DAGLA: variants seen among roughly 807,000 people sequenced by gnomAD.
DAGLA encodes diacylglycerol lipase alpha.
In DAGLA, 22 loss-of-function variants were observed where a neutral mutation model predicts 102.6. The observed-to-expected ratio is 0.21, with a 90% CI of 0.15 to 0.31. DAGLA has a LOEUF of 0.31. DAGLA is among the 10% of genes least tolerant of loss of function. The pLI is 1.00. For synonymous variants in DAGLA, 578 were observed against 628.9 expected (o/e 0.92, Z 1.21); for missense variants, 927 against 1,446.6 (o/e 0.64, Z 5.83).
intron 17 of DAGLA, 130 bp from the exon 18 acceptor site, chr11:61,740,333 A>T: frequency 8.3e-7 from 1 of 1,211,548 alleles, no homozygotes; most frequent in Non-Finnish European, 1.1e-6. Flanking sequence ...CCCTGCTGCC[A>T]GGCAGGCCAG....
At chr11:61,731,235 T>C in intron 8 of DAGLA, 82 bp from the exon 9 acceptor site, 1 of 1,566,036 alleles carries the variant, frequency 6.4e-7, no homozygotes, top group Non-Finnish European at 8.7e-7. Context: ...GTCCGCAGGC[T>C]CCCACCCTGG....
intron 1 of DAGLA, among the ~76,000 whole-genome samples, chr11:61,707,130 G>A (rs961429754): frequency 1.3e-5 from 2 of 152,222 alleles, no homozygotes; most frequent in Non-Finnish European, 2.9e-5. Flanking sequence ...CCTCCCTGCC[G>A]TGTCCTCGTG....
At chr11:61,731,509 ACCGGGCTG>A in intron 9 of DAGLA, 68 bp downstream of exon 9, 1 of 1,594,112 alleles carries the variant, frequency 6.3e-7, no homozygotes, top group South Asian at 1.1e-5. Flanking sequence ...AGGAAGGGCT[ACCGGGCTG>A]CGCCTACTGC....
Position 61,743,670 on chromosome 11 carries a change from G to A in DAGLA, c.2310G>A (p.Leu770=). The change falls in exon 20 of 20, where the codon CTG becomes CTA. Residue 770 remains leucine, a synonymous_variant. Transcript: ENST00000257215. ...CCCAGGAGCGGCTGGCGGCGGAGCTGCAGGCCCGGCGGGCACCACTGGCCA... is the reference window on the plus strand; with the variant it reads ...CCCAGGAGCGGCTGGCGGCGGAGCTACAGGCCCGGCGGGCACCACTGGCCA... ...LSTQERLAAE[L]QARRAPLATM... 1 of 1,600,216 alleles carries A rather than the reference G, an allele frequency of 6.2e-7. No individual in the cohort carries two copies. The highest frequency in any genetic ancestry group is 8.5e-7 in the Non-Finnish European group (1 of 1,176,174).
chr11:61,725,052 A>T (rs1318316037), intron 5 of DAGLA, among the ~76,000 whole-genome samples: 1 of 152,152 alleles, frequency 6.6e-6, no homozygotes, highest in Non-Finnish European at 1.5e-5. Flanking sequence ...CTGTCACTAC[A>T]GATTGATGTT....
rs972575684 is a variant in DAGLA at position 61,744,496 on chromosome 11, A to C, written c.*7A>C. 6.5e-7 allele frequency: 1 copy of C among 1,535,634 alleles called. No individual in the cohort carries two copies. Among genetic ancestry groups the C allele is most frequent in the Non-Finnish European group, 8.8e-7 (1 of 1,139,552 alleles). ...GGTCATCTCAGCACGCTAGCACCCCAGTTGCGTGGCCAGCCGGGCCCAGGC... is the reference window on the plus strand; with the variant it reads ...GGTCATCTCAGCACGCTAGCACCCCCGTTGCGTGGCCAGCCGGGCCCAGGC... On this transcript the variant is annotated 3_prime_UTR_variant, in exon 20 of 20. Transcript: ENST00000257215.
chr11:61,733,543 G>C (rs1178792601), intron 9 of DAGLA, among the ~76,000 whole-genome samples: 2 of 152,234 alleles, frequency 1.3e-5, no homozygotes, highest in South Asian at 4.1e-4. Flanking sequence ...TCCCGTGACA[G>C]CTGGCAGGCC....
chr11:61,711,149 G>A (rs2135571002), intron 1 of DAGLA, among the ~76,000 whole-genome samples: 1 of 152,322 alleles, frequency 6.6e-6, no homozygotes, highest in African/African-American at 2.4e-5. Context: ...GGGGCAGGTA[G>A]AAAGGACGAA....
intron 1 of DAGLA, among the ~76,000 whole-genome samples, chr11:61,696,329 G>C (rs954756578): frequency 6.6e-6 from 1 of 152,142 alleles, no homozygotes; most frequent in Admixed American, 6.5e-5. Context: ...GCGGGAGAGT[G>C]GGGGTGGAGG....
In DAGLA at chr11:61,741,480, C is replaced by T. The variant is rs537886238; in HGVS notation, c.2171+131C>T. The T allele has an allele frequency of 5.9e-5, 60 of 1,016,634 alleles. No individual in the cohort carries two copies. The South Asian group carries it at 7.4e-4, about 12-fold the overall frequency. The allele number at this position is 1,016,634 out of a possible 1,614,324, so 63.0% of individuals were successfully genotyped here. On this transcript the variant is annotated intron_variant, in intron 19 of 19. Coordinates refer to ENST00000257215, the MANE Select transcript of DAGLA (RefSeq NM_006133.3). ...ACGTGCACAGGAGGGGTCAAACTCACCCTCTGTGCTCTAGGGCTCTCTTGC... is the reference window on the plus strand; with the variant it reads ...ACGTGCACAGGAGGGGTCAAACTCATCCTCTGTGCTCTAGGGCTCTCTTGC...
chr11:61,693,643 G>C, intron 1 of DAGLA, among the ~76,000 whole-genome samples: 1 of 152,170 alleles, frequency 6.6e-6, no homozygotes, highest in East Asian at 1.9e-4. Context: ...CACCATGCCC[G>C]GCCAAAGATA....
chr11:61,686,093 C>T lies in DAGLA; in HGVS notation c.-45+5589C>T, dbSNP rs989620654. ...ACTGAGGGACAAGAGTAGGGGGTGC[C>T]CAGGTACAGAGGGCTTGAACCAGGG... On this transcript the variant is annotated intron_variant, in intron 1 of 19. Transcript: ENST00000257215. The surrounding 1 kb of genome is among the most constrained non-coding windows in gnomAD (Gnocchi z 5.2). 3.9e-5 allele frequency among the ~76,000 whole-genome samples: 6 copies of T among 151,958 alleles called. No individual in the cohort carries two copies. The highest frequency in any genetic ancestry group is 8.8e-5 in the Non-Finnish European group (6 of 67,994).
intron 1 of DAGLA, among the ~76,000 whole-genome samples, chr11:61,706,905 C>A (rs2065154961): frequency 6.6e-6 from 1 of 152,264 alleles, no homozygotes; most frequent in Non-Finnish European, 1.5e-5. Context: ...ACAGCCCCAG[C>A]TGGGCATCCC....
intron 19 of DAGLA, among the ~76,000 whole-genome samples, chr11:61,741,845 C>T (rs1259039858): frequency 6.6e-6 from 1 of 152,122 alleles, no homozygotes; most frequent in African/African-American, 2.4e-5. Flanking sequence ...CTCCTGACCT[C>T]AGGTGATCTG....
chr11:61,727,871 G>A (rs370968600), intron 6 of DAGLA, among the ~76,000 whole-genome samples: 13 of 152,208 alleles, frequency 8.5e-5, no homozygotes, highest in African/African-American at 2.7e-4. Flanking sequence ...TCAAGTTGGC[G>A]CCTGCTCTTG....
intron 15 of DAGLA, 112 bp from the exon 16 acceptor site, chr11:61,738,023 T>C (rs1482270380): frequency 2.4e-6 from 2 of 848,568 alleles, no homozygotes; most frequent in Non-Finnish European, 3.8e-6. Context: ...CTGGCTGACG[T>C]GTCTTCTTGT....
chr11:61,696,965 G>A (rs1264829227), intron 1 of DAGLA, among the ~76,000 whole-genome samples: 1 of 152,082 alleles, frequency 6.6e-6, no homozygotes, highest in African/African-American at 2.4e-5. Context: ...TCGCCAAGGG[G>A]AGGGAGGTCA....
rs552777447 is a variant in DAGLA, at chr11:61,726,210, C to T, written c.636+128C>T. On this transcript the variant is annotated intron_variant, in intron 6 of 19. Transcript: ENST00000257215. The stretch of plus-strand genomic sequence containing the variant: ...GAAGGAGCTGGGTTTCCAGCGTGAG[C>T]AAGTATGGCCTGCTCACACAGGGCC... 1.4e-4 allele frequency: 114 copies of T among 817,454 alleles called. 1 individual carries two copies. In the South Asian group the frequency reaches 1.6e-3, roughly 11 times the overall value. The allele number at this position is 817,454 out of a possible 1,614,324, so 50.6% of individuals were successfully genotyped here.
At chr11:61,716,760 T>A (rs2065238840) in intron 1 of DAGLA, among the ~76,000 whole-genome samples, 1 of 152,194 alleles carries the variant, frequency 6.6e-6, no homozygotes, top group Admixed American at 6.5e-5. Flanking sequence ...TATGCATTTT[T>A]AAAAAGAGTT....
Sources: allele counts gnomAD v4.1 joint callset (sites outside exome capture counted in the v4.1 genomes callset), GRCh38; gene constraint gnomAD v4.1.1; non-coding constraint Gnocchi (gnomAD v3.1); transcripts MANE v1.5; gene names NCBI Gene and HGNC (gene_info 2026-07-23, HGNC 2026-07-21).